The following HIVEP3 variants were observed in gnomAD, a reference collection of about 807,000 sequenced individuals.
The protein encoded by HIVEP3 is HIVEP zinc finger 3.
A neutral mutation model predicts 152.8 loss-of-function variants in HIVEP3; 49 were observed. The observed-to-expected ratio is 0.32, with a 90% CI of 0.26 to 0.41. The LOEUF (loss-of-function observed/expected upper bound fraction) is 0.41. Ranked by LOEUF, HIVEP3 falls within the 10% of genes least tolerant of loss-of-function variation. HIVEP3 has a pLI of 1.00. For synonymous variants in HIVEP3, 1,269 were observed against 1,289.0 expected (o/e 0.98, Z 0.33); for missense variants, 2,790 against 3,103.3 (o/e 0.90, Z 2.40).
At chr1:41,530,622 G>A (rs1052996788) in intron 5 of HIVEP3, among the ~76,000 whole-genome samples, 24 of 152,152 alleles carry the variant, frequency 1.6e-4, no homozygotes, top group African/African-American at 5.5e-4. Flanking sequence ...CTCCCCTCCC[G>A]CCACCACCTG....
chr1:41,830,547 C>A (rs1441126220), intron 1 of HIVEP3, among the ~76,000 whole-genome samples: 6 of 152,170 alleles, frequency 3.9e-5, no homozygotes, highest in Admixed American at 2.0e-4. Context: ...CTGAAGGGAG[C>A]TGTGTTACCA....
At chr1:41,926,665 A>G (rs1208552939) in intron 1 of HIVEP3, among the ~76,000 whole-genome samples, 1 of 152,014 alleles carries the variant, frequency 6.6e-6, no homozygotes, top group South Asian at 2.1e-4. Context: ...AACTTCCCCC[A>G]TCGTGAAGTT....
chr1:41,674,864 C>T (rs1645931334), intron 2 of HIVEP3, among the ~76,000 whole-genome samples: 1 of 152,108 alleles, frequency 6.6e-6, no homozygotes, highest in South Asian at 2.1e-4. Flanking sequence ...CTGAGAGGGG[C>T]GGGTAAAGAA....
chr1:41,830,473 C>T (rs916682413), intron 1 of HIVEP3, among the ~76,000 whole-genome samples: 3 of 152,206 alleles, frequency 2.0e-5, no homozygotes, highest in African/African-American at 7.2e-5. Context: ...TGGAGCCACT[C>T]ATTCTTCTGG....
At chr1:41,941,917 G>A (rs192330744) in intron 1 of HIVEP3, among the ~76,000 whole-genome samples, 2 of 152,204 alleles carry the variant, frequency 1.3e-5, no homozygotes, top group East Asian at 1.9e-4. Flanking sequence ...AGTGTAATCC[G>A]CCAATTTCCT....
chr1:41,725,590 CAT>C (rs1646740503), intron 1 of HIVEP3, among the ~76,000 whole-genome samples: 1 of 152,174 alleles, frequency 6.6e-6, no homozygotes, highest in African/African-American at 2.4e-5. Context: ...GGCCCAGACA[CAT>C]AGGACTGATA....
At chr1:41,838,021 T>C (rs1183487529) in intron 1 of HIVEP3, among the ~76,000 whole-genome samples, 2 of 152,296 alleles carry the variant, frequency 1.3e-5, no homozygotes, top group East Asian at 3.9e-4. Flanking sequence ...CAGCTCTCCT[T>C]TCAGTCCATG....
chr1:41,868,668 A>G (rs924553805), intron 1 of HIVEP3, among the ~76,000 whole-genome samples: 1 of 152,074 alleles, frequency 6.6e-6, no homozygotes, highest in Non-Finnish European at 1.5e-5. Context: ...ACTCACCACA[A>G]CCACCCTCCC....
chr1:41,891,337 C>G (rs2764835), intron 1 of HIVEP3, among the ~76,000 whole-genome samples: 30,491 of 152,094 alleles, frequency 0.2, 3,144 homozygotes, highest in South Asian at 0.29. Flanking sequence ...TCACATAAGA[C>G]AGTTTGCATC....
intron 5 of HIVEP3, among the ~76,000 whole-genome samples, chr1:41,559,782 T>C (rs1644028468): frequency 6.6e-6 from 1 of 152,232 alleles, no homozygotes; most frequent in African/African-American, 2.4e-5. Flanking sequence ...GGAATTACGA[T>C]TAAGTGATTT....
intron 2 of HIVEP3, among the ~76,000 whole-genome samples, chr1:41,651,839 GT>G (rs954978101): frequency 6.6e-6 from 1 of 151,928 alleles, no homozygotes; most frequent in Non-Finnish European, 1.5e-5. Flanking sequence ...ACAATCTTTG[GT>G]TTTTTAGTGG....
At chr1:41,971,765 G>T (rs970886315) in intron 1 of HIVEP3, among the ~76,000 whole-genome samples, 1 of 152,144 alleles carries the variant, frequency 6.6e-6, no homozygotes, top group African/African-American at 2.4e-5. Context: ...CAAAATTCAT[G>T]TTGCAACTTA....
intron 1 of HIVEP3, among the ~76,000 whole-genome samples, chr1:41,784,556 C>T (rs1649236049): frequency 6.6e-6 from 1 of 152,136 alleles, no homozygotes; most frequent in Non-Finnish European, 1.5e-5. Flanking sequence ...TGCTTTTATA[C>T]CTAGGTGAGT....
rs571054382 is a variant in HIVEP3 at position 41,512,889 on chromosome 1, C to T, written c.6332G>A (p.Arg2111Gln). Reference sequence around the variant, plus strand: ...TAGAGGCGCGGGCGGGAAGAGAACCCGTGGGTCCAGCCCCAAGCCTGGGCC... The same window carrying T: ...TAGAGGCGCGGGCGGGAAGAGAACCTGTGGGTCCAGCCCCAAGCCTGGGCC... Reference protein sequence around the residue: ...EHGPGLGLDPRVLFPPAPLPH... With the variant: ...EHGPGLGLDPQVLFPPAPLPH... Residue 2111 changes from arginine to glutamine, a missense_variant, in exon 8 of 9, where the codon CGG becomes CAG. Around this residue, in one of 9 missense-constraint regions of HIVEP3, gnomAD observed 816 missense variants for 806.5 expected, o/e 1.01. Coordinates refer to ENST00000372583, the MANE Select transcript of HIVEP3 (RefSeq NM_024503.5). 12 of 1,569,056 alleles carry T rather than the reference C, an allele frequency of 7.6e-6. No homozygotes were observed. In the East Asian group the frequency reaches 1.7e-4, roughly 22 times the overall value.
At chr1:41,854,155 C>T (rs1176578201) in intron 1 of HIVEP3, among the ~76,000 whole-genome samples, 1 of 148,018 alleles carries the variant, frequency 6.8e-6, no homozygotes, top group Non-Finnish European at 1.5e-5. Flanking sequence ...TCCTCTCTCT[C>T]TCTCTCTCTC....
At chr1:41,571,242 C>T (rs753230811) in intron 5 of HIVEP3, among the ~76,000 whole-genome samples, 93 of 152,222 alleles carry the variant, frequency 6.1e-4, no homozygotes, top group Non-Finnish European at 1.0e-3. Context: ...CTTCCTCTTC[C>T]GTGTAAGCCC....
At chr1:41,669,661 T>C (rs544595147) in intron 2 of HIVEP3, among the ~76,000 whole-genome samples, 1 of 152,292 alleles carries the variant, frequency 6.6e-6, no homozygotes, top group Admixed American at 6.5e-5. Flanking sequence ...CGGCTCTTCT[T>C]GGGTCTCAAG....
chr1:41,637,452 C>T (rs1177663672), intron 2 of HIVEP3, among the ~76,000 whole-genome samples: 1 of 152,248 alleles, frequency 6.6e-6, no homozygotes, highest in Non-Finnish European at 1.5e-5. Context: ...CCCTGCCCCC[C>T]TCCCTCAACA....
At chr1:41,544,745 CACT>C (rs1246625772) in intron 5 of HIVEP3, among the ~76,000 whole-genome samples, 27 of 142,810 alleles carry the variant, frequency 1.9e-4, no homozygotes, top group Admixed American at 3.4e-4. Flanking sequence ...CCATCACCAC[CACT>C]ACCACCACCA....
Sources: allele counts gnomAD v4.1 joint callset (sites outside exome capture counted in the v4.1 genomes callset), GRCh38; gene constraint gnomAD v4.1.1; regional missense constraint gnomAD v4.1.1; transcripts MANE v1.5; gene names NCBI Gene and HGNC (gene_info 2026-07-23, HGNC 2026-07-21).